Variants in NFIA observed in about 807,000 individuals in gnomAD.
The protein encoded by NFIA is nuclear factor 1 A-type.
NFIA carries 8 observed loss-of-function variants against 62.8 expected under a neutral mutation model. The observed-to-expected ratio is 0.13, with a 90% CI of 0.07 to 0.23. The LOEUF (loss-of-function observed/expected upper bound fraction) is 0.23, where lower values mean the gene tolerates loss of function less well. NFIA is among the 10% of genes least tolerant of loss of function. NFIA has a pLI of 1.00. For missense variants in NFIA, 410 were observed against 642.1 expected (o/e 0.64, Z 3.91); for synonymous variants, 235 against 238.1 (o/e 0.99, Z 0.12).
intron 3 of NFIA, among the ~76,000 whole-genome samples, chr1:61,307,441 G>A (rs568559937): frequency 5.9e-5 from 9 of 152,150 alleles, no homozygotes; most frequent in African/African-American, 1.2e-4. Flanking sequence ...GATTTCTGTT[G>A]TTTATAAGCT....
intron 2 of NFIA, among the ~76,000 whole-genome samples, chr1:61,276,586 G>A (rs948521272): frequency 8.6e-5 from 13 of 152,042 alleles, no homozygotes; most frequent in African/African-American, 2.9e-4. Flanking sequence ...CTCAGAAAAC[G>A]CTTTATTTTT....
intron 2 of NFIA, among the ~76,000 whole-genome samples, chr1:61,127,019 A>G (rs1272382498): frequency 6.6e-6 from 1 of 150,744 alleles, no homozygotes; most frequent in Non-Finnish European, 1.5e-5. Context: ...TCTCCTCCTG[A>G]CCTCAGGCAG....
intron 2 of NFIA, among the ~76,000 whole-genome samples, chr1:61,119,518 G>A (rs147297941): frequency 2.2e-4 from 33 of 152,260 alleles, no homozygotes; most frequent in African/African-American, 7.9e-4. Context: ...GCATTGCACT[G>A]TTCTTCATTT....
intron 9 of NFIA, among the ~76,000 whole-genome samples, chr1:61,419,601 T>G (rs1666512711): frequency 6.6e-6 from 1 of 152,196 alleles, no homozygotes; most frequent in South Asian, 2.1e-4. Flanking sequence ...TGCACCTCCC[T>G]TTCTATACTT....
intron 2 of NFIA, among the ~76,000 whole-genome samples, chr1:61,166,105 C>T (rs1649546780): frequency 6.6e-6 from 1 of 152,080 alleles, no homozygotes; most frequent in Non-Finnish European, 1.5e-5. Flanking sequence ...TGAAAATCTA[C>T]TTTATAGTAG....
chr1:61,136,672 A>T (rs1030247524), intron 2 of NFIA, among the ~76,000 whole-genome samples: 2 of 152,244 alleles, frequency 1.3e-5, no homozygotes, highest in African/African-American at 2.4e-5. Context: ...AGAATTTGAC[A>T]TGTTAACACC....
intron 2 of NFIA, among the ~76,000 whole-genome samples, chr1:61,262,161 C>T (rs1394412865): frequency 6.6e-6 from 1 of 152,054 alleles, no homozygotes; most frequent in African/African-American, 2.4e-5. Flanking sequence ...GAGAGTGCTA[C>T]AATGGGGAGT....
chr1:61,083,144 G>A (rs1221909835), intron 1 of NFIA, among the ~76,000 whole-genome samples: 1 of 152,172 alleles, frequency 6.6e-6, no homozygotes, highest in Admixed American at 6.5e-5. Context: ...CAGTGTTTTC[G>A]GACACCCCGC....
At position 61,088,286 on chromosome 1, in the gene NFIA, C is replaced by G; in HGVS notation, c.165C>G (p.Ala55=). Reference sequence around the variant, plus strand: ...GTATGTCAAAAGAAGAAGAGAGAGCCGTGAAGGATGAATTGCTAAGTGAAA... The same window carrying G: ...GTATGTCAAAAGAAGAAGAGAGAGCGGTGAAGGATGAATTGCTAAGTGAAA... The part of the protein sequence containing the change: ...EKRMSKEEER[A]VKDELLSEKP... The change falls in exon 2 of 11, where the codon GCC becomes GCG. Residue 55 remains alanine (A), a synonymous_variant. Coordinates refer to ENST00000403491, the MANE Select transcript of NFIA (RefSeq NM_001134673.4). This position sits in a 1 kb window ranked among gnomAD's most constrained non-coding sequence, Gnocchi z 4.5. The G allele has an allele frequency of 4.3e-6, 7 of 1,613,144 alleles. No homozygotes were observed. Among genetic ancestry groups the G allele is most frequent in the Non-Finnish European group, 5.9e-6 (7 of 1,179,858 alleles).
chr1:61,282,185 C>G (rs1221130861), intron 3 of NFIA, among the ~76,000 whole-genome samples: 1 of 152,128 alleles, frequency 6.6e-6, no homozygotes, highest in Non-Finnish European at 1.5e-5. Flanking sequence ...CCCCCACCCC[C>G]ACTTCAATGA....
chr1:61,333,268 G>C (rs1661406823), intron 4 of NFIA, among the ~76,000 whole-genome samples: 1 of 152,116 alleles, frequency 6.6e-6, no homozygotes, highest in Non-Finnish European at 1.5e-5. Context: ...AAATTTACAT[G>C]GTTAAAATTG....
chr1:61,424,510 T>A (rs1666779272), intron 9 of NFIA, among the ~76,000 whole-genome samples: 1 of 152,180 alleles, frequency 6.6e-6, no homozygotes, highest in Non-Finnish European at 1.5e-5. Flanking sequence ...GGACTCACGT[T>A]TCAGCGTCTG....
At chr1:61,312,717 T>G (rs900011699) in intron 3 of NFIA, among the ~76,000 whole-genome samples, 5 of 152,026 alleles carry the variant, frequency 3.3e-5, no homozygotes, top group African/African-American at 1.2e-4. Flanking sequence ...TTTGTTATAT[T>G]GCTCAGGCTG....
chr1:61,434,778 A>T (rs918281818), intron 10 of NFIA, among the ~76,000 whole-genome samples: 4 of 152,092 alleles, frequency 2.6e-5, no homozygotes, highest in Admixed American at 6.5e-5. Flanking sequence ...CTTTTTTTTA[A>T]TATTAAAGTG....
At chr1:61,212,111 T>G (rs1653302846) in intron 2 of NFIA, among the ~76,000 whole-genome samples, 1 of 152,162 alleles carries the variant, frequency 6.6e-6, no homozygotes, top group Non-Finnish European at 1.5e-5. Flanking sequence ...TTGTGGATTT[T>G]TAAGTAGGGG....
intron 4 of NFIA, among the ~76,000 whole-genome samples, chr1:61,333,246 C>T (rs563929195): frequency 6.6e-6 from 1 of 151,986 alleles, no homozygotes; most frequent in Non-Finnish European, 1.5e-5. Flanking sequence ...TTCAAAATAC[C>T]ACTTGTAGGT....
chr1:61,455,352 A>AC lies in NFIA; in HGVS notation c.*34dup. 6.2e-7 allele frequency: 1 copy of AC among 1,614,102 alleles called. No individual in the cohort carries two copies. Among genetic ancestry groups the AC allele is most frequent in the Non-Finnish European group, 8.5e-7 (1 of 1,180,002 alleles). ...CAGCGTCCCACCATCCACCAGACAG[A>AC]CCACCTGACCCCTTCTCAACTCTGT... is the stretch of plus-strand genomic sequence containing the variant. On this transcript the variant is annotated 3_prime_UTR_variant, in exon 11 of 11. Coordinates refer to ENST00000403491, the MANE Select transcript of NFIA (RefSeq NM_001134673.4).
chr1:61,302,960 C>T (rs527688136), intron 3 of NFIA, among the ~76,000 whole-genome samples: 1 of 152,280 alleles, frequency 6.6e-6, no homozygotes, highest in Non-Finnish European at 1.5e-5. Context: ...ACCCCCAACT[C>T]CCAAAAATGT....
At chr1:61,084,576 A>G (rs993724897) in intron 1 of NFIA, among the ~76,000 whole-genome samples, 5 of 152,230 alleles carry the variant, frequency 3.3e-5, no homozygotes, top group Non-Finnish European at 5.9e-5. Flanking sequence ...ATTACGGACT[A>G]TAGTGAAAAT....
Sources: gnomAD v4.1 joint callset for allele counts (sites outside exome capture counted in the v4.1 genomes callset) on GRCh38, gnomAD v4.1.1 for gene constraint, Gnocchi (gnomAD v3.1) non-coding constraint, MANE v1.5 for transcripts, NCBI Gene and HGNC (gene_info 2026-07-23, HGNC 2026-07-21) for gene names.